The following HIVEP2 variants were observed in gnomAD, a reference collection of about 807,000 sequenced individuals.
HIVEP2 encodes transcription factor HIVEP2.
Under a neutral mutation model 180.7 loss-of-function variants are expected in HIVEP2, and 14 were observed. The ratio of observed to expected loss-of-function variants is 0.08; its 90% CI spans 0.05 to 0.12. The LOEUF is 0.12. HIVEP2 is among the 10% of genes least tolerant of loss of function. HIVEP2 has a pLI of 1.00. For missense variants in HIVEP2, 2,579 were observed against 3,008.5 expected (o/e 0.86, Z 3.34); for synonymous variants, 1,184 against 1,136.4 (o/e 1.04, Z -0.84).
intron 1 of HIVEP2, among the ~76,000 whole-genome samples, chr6:142,851,584 A>G (rs1414897388): frequency 6.6e-6 from 1 of 152,234 alleles, no homozygotes; most frequent in Non-Finnish European, 1.5e-5. Flanking sequence ...GAGGCCCCGA[A>G]AGGCTCAGGA....
chr6:142,792,401 C>T (rs1476008695), intron 2 of HIVEP2, among the ~76,000 whole-genome samples: 2 of 152,100 alleles, frequency 1.3e-5, no homozygotes, highest in African/African-American at 4.8e-5. Context: ...AGAATGAGTT[C>T]ATGTCCTTTG....
intron 1 of HIVEP2, among the ~76,000 whole-genome samples, chr6:142,852,599 C>T (rs916146550): frequency 2.0e-5 from 3 of 152,066 alleles, no homozygotes; most frequent in South Asian, 4.1e-4. Flanking sequence ...TTCTTAAATC[C>T]ACCACAGATA....
chr6:142,761,482 T>C lies in HIVEP2; in HGVS notation c.5602A>G (p.Thr1868Ala). Residue 1868 changes from threonine to alanine, a missense_variant, in exon 8 of 10, where the codon ACA (threonine) becomes GCA (alanine). Transcript: ENST00000367603. ...TACACACCTGCTTCCTCAGTTTCTG[T>C]ATCATCCACCGATGTCATTGAGACT... ...LGVSMTSVDD[T>A]ETEEAENLED... 6.3e-7 allele frequency: 1 copy of C among 1,593,038 alleles called. No homozygotes were observed. Among genetic ancestry groups the C allele is most frequent in the East Asian group, 2.2e-5 (1 of 44,760 alleles).
At chr6:142,932,027 T>C (rs1013476440) in intron 1 of HIVEP2, among the ~76,000 whole-genome samples, 7 of 152,186 alleles carry the variant, frequency 4.6e-5, no homozygotes, top group Non-Finnish European at 8.8e-5. Flanking sequence ...CCTTTTGCTA[T>C]CTCCTGAGTC....
At chr6:142,767,168 T>C (rs746019834) in intron 6 of HIVEP2, among the ~76,000 whole-genome samples, 5 of 152,186 alleles carry the variant, frequency 3.3e-5, no homozygotes, top group Non-Finnish European at 5.9e-5. Context: ...CGCTAATCTA[T>C]TGGTGCAAGT....
chr6:142,914,061 A>G (rs1777487876), intron 1 of HIVEP2, among the ~76,000 whole-genome samples: 1 of 151,772 alleles, frequency 6.6e-6, no homozygotes, highest in African/African-American at 2.4e-5. Context: ...AGTACTGGGG[A>G]TGGGCTCTGG....
intron 1 of HIVEP2, among the ~76,000 whole-genome samples, chr6:142,844,136 T>C (rs1775445679): frequency 6.6e-6 from 1 of 152,162 alleles, no homozygotes; most frequent in Non-Finnish European, 1.5e-5. Flanking sequence ...AGAAACAGAA[T>C]GAAATTATTA....
At chr6:142,768,243 GA>G (rs1775423078) in intron 6 of HIVEP2, 138 bp downstream of exon 6, 1 of 720,506 alleles carries the variant, frequency 1.4e-6, no homozygotes, top group Admixed American at 3.1e-5. Context: ...TTACCAGCCA[GA>G]GTTCAGAACT....
intron 2 of HIVEP2, among the ~76,000 whole-genome samples, chr6:142,822,067 G>A (rs745420434): frequency 1.3e-5 from 2 of 152,222 alleles, no homozygotes; most frequent in South Asian, 4.1e-4. Context: ...GAGGTGCCAG[G>A]AGGCCACACA....
intron 1 of HIVEP2, among the ~76,000 whole-genome samples, chr6:142,839,044 G>A (rs1775296328): frequency 6.6e-6 from 1 of 152,038 alleles, no homozygotes; most frequent in Admixed American, 6.6e-5. Context: ...TCATATCAAA[G>A]TTCAAAAGCA....
chr6:142,845,184 T>G (rs1463718019), intron 1 of HIVEP2, among the ~76,000 whole-genome samples: 1 of 152,168 alleles, frequency 6.6e-6, no homozygotes, highest in Non-Finnish European at 1.5e-5. Flanking sequence ...CAAATAACTG[T>G]TGGTGAAGAG....
At chr6:142,831,873 T>C (rs1349479691) in intron 2 of HIVEP2, among the ~76,000 whole-genome samples, 3 of 152,134 alleles carry the variant, frequency 2.0e-5, no homozygotes, top group African/African-American at 7.2e-5. Flanking sequence ...CAGGTATCGA[T>C]TTTCAGTCCC....
chr6:142,885,732 C>T (rs888157413), intron 1 of HIVEP2, among the ~76,000 whole-genome samples: 1 of 152,140 alleles, frequency 6.6e-6, no homozygotes, highest in African/African-American at 2.4e-5. Flanking sequence ...TAAGCTTCCT[C>T]AACAGACATA....
rs983848220 is a variant in HIVEP2, at chr6:142,836,369, G to A, written c.-528+566C>T. ...TGGCAGCACCAATAATTTGCTAAAA[G>A]CCTAAACTCCTCCTGGTAACTAATG... On this transcript the variant is annotated intron_variant, in intron 2 of 9. Transcript: ENST00000367603. 6.6e-5 allele frequency among the ~76,000 whole-genome samples: 10 copies of A among 152,104 alleles called. No homozygotes were observed. The East Asian group carries it at 1.9e-3, about 29-fold the overall frequency.
At chr6:142,838,676 A>G (rs1004403818) in intron 1 of HIVEP2, among the ~76,000 whole-genome samples, 1 of 152,148 alleles carries the variant, frequency 6.6e-6, no homozygotes, top group African/African-American at 2.4e-5. Context: ...ACTTTCCAAG[A>G]AAGAGGTAGG....
rs55804696 is a variant in HIVEP2, at chr6:142,944,361, A to ACCC, written c.-641+735_-641+737dup. Among the ~76,000 whole-genome samples the ACCC allele has an allele frequency of 5.1e-3, 528 of 104,290 alleles. 41 individuals are homozygous for ACCC. The highest frequency in any genetic ancestry group is 0.021 in the African/African-American group (436 of 21,264). The allele number at this position is 104,290 out of a possible 152,430, so 68.4% of individuals were successfully genotyped here. On this transcript the variant is annotated intron_variant, in intron 1 of 9. Transcript: ENST00000367603. ...GGGTAGCAGAGCGGATCTGGAGTCCACCCCCCCCCCCCACCAAATACGACA... is the reference window on the plus strand; with the variant it reads ...GGGTAGCAGAGCGGATCTGGAGTCCACCCCCCCCCCCCCCCACCAAATACGACA...
chr6:142,875,609 T>C lies in HIVEP2; in HGVS notation c.-640-38562A>G, dbSNP rs576227504. 1.2e-4 allele frequency among the ~76,000 whole-genome samples: 18 copies of C among 152,204 alleles called. No individual in the cohort carries two copies. In the South Asian group the frequency reaches 2.3e-3, roughly 19 times the overall value. On this transcript the variant is annotated intron_variant, in intron 1 of 9. Coordinates refer to ENST00000367603, the MANE Select transcript of HIVEP2 (RefSeq NM_006734.4). ...AAGAAGACATAACATTCAGCACTTA[T>C]TTTGGAGAGAGAGCCAGAAGTACTT...
chr6:142,758,468 C>T (rs1373849668), intron 9 of HIVEP2, among the ~76,000 whole-genome samples: 5 of 152,164 alleles, frequency 3.3e-5, no homozygotes, highest in Non-Finnish European at 5.9e-5. Context: ...CTGGCAGTGT[C>T]TCCTCTGGCT....
chr6:142,937,832 C>T (rs1778092170), intron 1 of HIVEP2, among the ~76,000 whole-genome samples: 1 of 152,168 alleles, frequency 6.6e-6, no homozygotes, highest in Non-Finnish European at 1.5e-5. Context: ...AGATAAAAAA[C>T]TAAATCTTCT....
Sources: gnomAD v4.1 joint callset for allele counts (sites outside exome capture counted in the v4.1 genomes callset) on GRCh38, gnomAD v4.1.1 for gene constraint, MANE v1.5 for transcripts, NCBI Gene and HGNC (gene_info 2026-07-23, HGNC 2026-07-21) for gene names.